The following ATP2A1 variants were observed in gnomAD, a reference collection of about 807,000 sequenced individuals.
ATP2A1 encodes the protein sarcoplasmic/endoplasmic reticulum calcium ATPase 1.
ATP2A1 carries 83 observed loss-of-function variants against 109.5 expected under a neutral mutation model. That is an observed-to-expected ratio of 0.76 (90% CI 0.63 to 0.91). The LOEUF is 0.91. Among genes scored for constraint, ATP2A1 ranks in the 40% least tolerant of loss-of-function variants. The pLI, the probability that ATP2A1 is intolerant of heterozygous loss-of-function variation, is 0.00. For synonymous variants in ATP2A1, 505 were observed against 537.6 expected (o/e 0.94, Z 0.84); for missense variants, 1,101 against 1,341.0 (o/e 0.82, Z 2.80).
In ATP2A1 at chr16:28,903,532, G is replaced by GT. The variant is rs1207923971; in HGVS notation, c.2980+93dup. 6 of 1,336,864 alleles carry GT rather than the reference G, an allele frequency of 4.5e-6. No individual in the cohort carries two copies. The East Asian group carries it at 9.2e-5, about 20-fold the overall frequency. The allele number at this position is 1,336,864 out of a possible 1,614,324, so 82.8% of individuals were successfully genotyped here. On this transcript the variant is annotated intron_variant, in intron 21 of 22. Coordinates refer to ENST00000395503, the MANE Select transcript of ATP2A1 (RefSeq NM_004320.6). This position sits in a 1 kb window ranked among gnomAD's most constrained non-coding sequence, Gnocchi z 5.6. ...CGCCCCGCCCCGTACTTTGCAGGTGGTAAGTTTCTCAGCCCTGGCAGGACC... is the reference window on the plus strand; with the variant it reads ...CGCCCCGCCCCGTACTTTGCAGGTGGTTAAGTTTCTCAGCCCTGGCAGGACC...
intron 6 of ATP2A1, among the ~76,000 whole-genome samples, chr16:28,885,777 G>A (rs1375656824): frequency 1.3e-5 from 2 of 152,058 alleles, no homozygotes; most frequent in Non-Finnish European, 2.9e-5. Context: ...CAGACACCTC[G>A]AGAACTGTCC....
Position 28,898,176 on chromosome 16 carries a change from C to T in ATP2A1, c.1545+51C>T. ...CCCCTCTTCTTCCTACTCCTAGCCA[C>T]CTGTCACTGCCCTGGAAGGAAAGTG... On this transcript the variant is annotated intron_variant, in intron 13 of 22. Coordinates refer to ENST00000395503, the MANE Select transcript of ATP2A1 (RefSeq NM_004320.6). The surrounding 1 kb of genome is among the most constrained non-coding windows in gnomAD (Gnocchi z 4.0). 1 of 1,614,220 alleles carries T rather than the reference C, an allele frequency of 6.2e-7. No individual in the cohort carries two copies. The highest frequency in any genetic ancestry group is 8.5e-7 in the Non-Finnish European group (1 of 1,180,028).
chr16:28,884,517 T>C lies in ATP2A1; in HGVS notation c.464-58T>C, dbSNP rs1963566877. 4.6e-6 allele frequency: 7 copies of C among 1,521,960 alleles called. No individual in the cohort carries two copies. In the Admixed American group the frequency reaches 8.4e-5, roughly 18 times the overall value. The allele number at this position is 1,521,960 out of a possible 1,614,324, so 94.3% of individuals were successfully genotyped here. ...AGTCAGACACAGATTGGGTTTTTCT[T>C]TGGAAGGAAGAAAATTCCATTCCCA... On this transcript the variant is annotated intron_variant, in intron 5 of 22. Transcript: ENST00000395503.
chr16:28,896,530 G>A (rs762910293), intron 12 of ATP2A1, among the ~76,000 whole-genome samples: 6 of 151,462 alleles, frequency 4.0e-5, no homozygotes, highest in East Asian at 1.9e-4. Context: ...CTCTTGCCTC[G>A]GCCTCCTGAA....
At chr16:28,895,751 C>T (rs1392410701) in intron 12 of ATP2A1, among the ~76,000 whole-genome samples, 1 of 151,860 alleles carries the variant, frequency 6.6e-6, no homozygotes. Context: ...TGTACTCTAG[C>T]TACTAGGAAG....
chr16:28,900,551 G>A, intron 14 of ATP2A1, 30 bp from the exon 15 acceptor site: 1 of 1,530,734 alleles, frequency 6.5e-7, no homozygotes, highest in South Asian at 1.3e-5. Flanking sequence ...ATCCCCACCT[G>A]ACCTGTGGCT....
chr16:28,900,829 A>T lies in ATP2A1; in HGVS notation c.2013A>T (p.Arg671=). The T allele has an allele frequency of 6.2e-7, 1 of 1,614,182 alleles. No homozygotes were observed. Among genetic ancestry groups the T allele is most frequent in the Admixed American group, 1.7e-5 (1 of 60,014 alleles). Residue 671 remains arginine (R), a synonymous_variant, in exon 15 of 23, where the codon CGA becomes CGT. Coordinates refer to ENST00000395503, the MANE Select transcript of ATP2A1 (RefSeq NM_004320.6). ...LPLAEQREAC[R]RACCFARVEP... ...TGGCTGAACAGCGGGAAGCCTGCCG[A>T]CGTGCCTGCTGCTTCGCCCGTGTGG...
At position 28,900,783 on chromosome 16, in the gene ATP2A1, G is replaced by GA. The variant is rs1567490753; in HGVS notation, c.1968dup (p.Glu657ArgfsTer9). On this transcript the variant is annotated frameshift_variant, in exon 15 of 23. Transcript: ENST00000395503. LOFTEE classifies it high-confidence loss of function. ...GTGGCCGATCGCGCCTACACGGGCC[G>GA]AGAGTTCGACGACCTGCCCCTGGCT... is the stretch of plus-strand genomic sequence containing the variant. The GA allele has an allele frequency of 6.2e-7, 1 of 1,614,252 alleles. No individual in the cohort carries two copies. Among genetic ancestry groups the GA allele is most frequent in the Non-Finnish European group, 8.5e-7 (1 of 1,180,042 alleles).
chr16:28,882,514 T>G lies in ATP2A1; in HGVS notation c.388T>G (p.Tyr130Asp). ...GTATGAGCCAGAGATGGGGAAGGTCTACCGGGCTGACCGCAAGTCAGTGCA... is the reference window on the plus strand; with the variant it reads ...GTATGAGCCAGAGATGGGGAAGGTCGACCGGGCTGACCGCAAGTCAGTGCA... ...KEYEPEMGKV[Y>D]RADRKSVQRI... Residue 130 changes from tyrosine (Y) to aspartate (D), a missense_variant, in exon 5 of 23, where the codon TAC becomes GAC. Physicochemically the swap from Tyr to Asp is radical, Grantham distance 160. Coordinates refer to ENST00000395503, the MANE Select transcript of ATP2A1 (RefSeq NM_004320.6). 1 of 1,614,188 alleles carries G rather than the reference T, an allele frequency of 6.2e-7. No individual in the cohort carries two copies. The highest frequency in any genetic ancestry group is 8.5e-7 in the Non-Finnish European group (1 of 1,180,028).
At chr16:28,890,947 A>AC in intron 9 of ATP2A1, among the ~76,000 whole-genome samples, 1 of 151,344 alleles carries the variant, frequency 6.6e-6, no homozygotes. Flanking sequence ...TCGGCCTCCC[A>AC]AAGTACTGGG....
At chr16:28,891,253 G>A (rs993200226) in intron 9 of ATP2A1, among the ~76,000 whole-genome samples, 7 of 150,610 alleles carry the variant, frequency 4.6e-5, no homozygotes, top group Non-Finnish European at 8.9e-5. Context: ...CTGAGATTGC[G>A]CCATTGCACC....
At chr16:28,886,566 T>C (rs927425684) in intron 6 of ATP2A1, among the ~76,000 whole-genome samples, 1 of 152,074 alleles carries the variant, frequency 6.6e-6, no homozygotes, top group Non-Finnish European at 1.5e-5. Flanking sequence ...ACTTATTTGA[T>C]TTTCACCCAA....
At chr16:28,900,970 C>T in intron 15 of ATP2A1, 54 bp downstream of exon 15, 1 of 1,606,994 alleles carries the variant, frequency 6.2e-7, no homozygotes, top group Non-Finnish European at 8.5e-7. Flanking sequence ...GACCAGATGA[C>T]TGTGCTGGGG....
chr16:28,879,946 G>C, intron 3 of ATP2A1: 1 of 981,294 alleles, frequency 1.0e-6, no homozygotes, highest in Non-Finnish European at 1.2e-6. Flanking sequence ...TGCGCCGGGC[G>C]GACGGCCGCT....
At position 28,903,760 on chromosome 16, in the gene ATP2A1, C is replaced by T. The variant is rs1964163316; in HGVS notation, c.*37+19C>T. 3.1e-6 allele frequency: 5 copies of T among 1,611,728 alleles called. No individual in the cohort carries two copies. The highest frequency in any genetic ancestry group is 3.4e-6 in the Non-Finnish European group (4 of 1,177,976). The stretch of plus-strand genomic sequence containing the variant: ...GTCACAGGTATCACCCCCTTCTTGC[C>T]CTCAGCCCAGCTGCTGTGCCCCTGC... On this transcript the variant is annotated intron_variant, in intron 22 of 22. Coordinates refer to ENST00000395503, the MANE Select transcript of ATP2A1 (RefSeq NM_004320.6). This position sits in a 1 kb window ranked among gnomAD's most constrained non-coding sequence, Gnocchi z 5.6.
rs763328567 is a variant in ATP2A1 at position 28,902,230 on chromosome 16, G to T, written c.2368G>T (p.Val790Leu). The T allele has an allele frequency of 8.1e-6, 13 of 1,613,970 alleles. No individual in the cohort carries two copies. The highest frequency in any genetic ancestry group is 9.3e-6 in the Non-Finnish European group (11 of 1,180,002). Residue 790 changes from valine (V) to leucine (L), a missense_variant, in exon 17 of 23, where the codon GTG (valine) becomes TTG (leucine). Transcript: ENST00000395503. This position sits in a 1 kb window ranked among gnomAD's most constrained non-coding sequence, Gnocchi z 4.8. The stretch of plus-strand genomic sequence containing the variant: ...GGGGCTGCCTGAGGCCCTGATCCCG[G>T]TGCAGCTGCTATGGGTGAACTTGGT... The part of the protein sequence containing the change: ...ALGLPEALIP[V>L]QLLWVNLVTD...
chr16:28,885,874 A>G (rs1963601437), intron 6 of ATP2A1, among the ~76,000 whole-genome samples: 1 of 151,950 alleles, frequency 6.6e-6, no homozygotes, highest in African/African-American at 2.4e-5. Flanking sequence ...ACTGAAAACC[A>G]TGGCTGCTAG....
chr16:28,894,127 T>C, intron 9 of ATP2A1, 28 bp from the exon 10 acceptor site: 1 of 1,601,654 alleles, frequency 6.2e-7, no homozygotes, highest in Non-Finnish European at 8.6e-7. Context: ...GAGGTGGACA[T>C]CTGTGTGCCT....
intron 11 of ATP2A1, 89 bp downstream of exon 11, chr16:28,894,696 C>A: frequency 6.3e-7 from 1 of 1,595,284 alleles, no homozygotes; most frequent in Non-Finnish European, 8.6e-7. Flanking sequence ...GGACCCAGTA[C>A]ACCCAGCCCT....
Sources: allele counts gnomAD v4.1 joint callset (sites outside exome capture counted in the v4.1 genomes callset), GRCh38; gene constraint gnomAD v4.1.1; non-coding constraint Gnocchi (gnomAD v3.1); transcripts MANE v1.5; gene names NCBI Gene and HGNC (gene_info 2026-07-23, HGNC 2026-07-21).